The following JAKMIP2 variants were observed in gnomAD, a reference collection of about 807,000 sequenced individuals.
JAKMIP2 encodes the protein janus kinase and microtubule interacting protein 2, also known as janus kinase and microtubule-interacting protein 2.
A neutral mutation model predicts 115.0 loss-of-function variants in JAKMIP2; 25 were observed. The observed-to-expected ratio is 0.22, with a 90% confidence interval of 0.16 to 0.30. The LOEUF (loss-of-function observed/expected upper bound fraction) is 0.30. Ranked by LOEUF, JAKMIP2 falls within the 10% of genes least tolerant of loss-of-function variation. JAKMIP2 has a pLI of 1.00. For missense variants in JAKMIP2, 642 were observed against 957.6 expected (o/e 0.67, Z 4.35); for synonymous variants, 334 against 343.6 (o/e 0.97, Z 0.31).
At chr5:147,705,713 A>C (rs1752535057) in intron 1 of JAKMIP2, among the ~76,000 whole-genome samples, 1 of 152,240 alleles carries the variant, frequency 6.6e-6, no homozygotes, top group Non-Finnish European at 1.5e-5. Context: ...TCCACAGGAT[A>C]AAGTGTATGG....
At chr5:147,702,239 A>G (rs952849979) in intron 1 of JAKMIP2, among the ~76,000 whole-genome samples, 1 of 151,706 alleles carries the variant, frequency 6.6e-6, no homozygotes, top group Non-Finnish European at 1.5e-5. Flanking sequence ...AAAACAGAAG[A>G]AACAGCTAAG....
At chr5:147,659,584 G>T (rs1450574847) in intron 3 of JAKMIP2, among the ~76,000 whole-genome samples, 1 of 152,058 alleles carries the variant, frequency 6.6e-6, no homozygotes, top group Non-Finnish European at 1.5e-5. Flanking sequence ...AGATCAAGTG[G>T]ATATACTTAT....
rs1021937953 is a variant in JAKMIP2 at position 147,772,156 on chromosome 5, A to G, written c.-149+10300T>C. 5.9e-5 allele frequency among the ~76,000 whole-genome samples: 9 copies of G among 152,242 alleles called. No homozygotes were observed. In the East Asian group the frequency reaches 1.5e-3, roughly 26 times the overall value. ...TAACTTGAAAAATAAAGTATTAAAC[A>G]TATGTAAATTGTGAAAAAAACGCCT... On this transcript the variant is annotated intron_variant, in intron 1 of 21. Coordinates refer to ENST00000616793, the MANE Select transcript of JAKMIP2 (RefSeq NM_001270941.2).
In JAKMIP2 at chr5:147,732,053, T is replaced by C. The variant is rs138173477; in HGVS notation, c.-149+50403A>G. On this transcript the variant is annotated intron_variant, in intron 1 of 21. Transcript: ENST00000616793. The stretch of plus-strand genomic sequence containing the variant: ...CATGTTGTATTATTACGTGGGTTTT[T>C]AAAACTAAATATTGCCAAGTAGTTG... Among the ~76,000 whole-genome samples, 1,040 of 152,360 alleles carry C rather than the reference T, an allele frequency of 6.8e-3. 6 individuals are homozygous for C. The highest frequency in any genetic ancestry group is 0.011 in the Non-Finnish European group (732 of 68,032).
intron 1 of JAKMIP2, among the ~76,000 whole-genome samples, chr5:147,765,542 C>T (rs1351908163): frequency 2.0e-5 from 3 of 152,070 alleles, no homozygotes; most frequent in African/African-American, 7.2e-5. Context: ...ACCAAGAGAA[C>T]AAAGGAATCA....
chr5:147,717,730 C>T (rs1421714203), intron 1 of JAKMIP2, among the ~76,000 whole-genome samples: 1 of 149,422 alleles, frequency 6.7e-6, no homozygotes, highest in Non-Finnish European at 1.5e-5. Flanking sequence ...TGCTGATCAG[C>T]TTAAGGAGAT....
At chr5:147,754,230 G>A (rs182687235) in intron 1 of JAKMIP2, among the ~76,000 whole-genome samples, 1,690 of 152,186 alleles carry the variant, frequency 0.011, 26 homozygotes, top group Middle Eastern at 0.017. Flanking sequence ...GTAACAAGGA[G>A]AAACATTTAA....
intron 1 of JAKMIP2, among the ~76,000 whole-genome samples, chr5:147,744,081 C>G (rs1754264689): frequency 6.7e-6 from 1 of 149,054 alleles, no homozygotes; most frequent in African/African-American, 2.5e-5. Context: ...ATTTTTCTCT[C>G]TCTCTCATTA....
At chr5:147,663,281 G>C (rs1759127923) in intron 2 of JAKMIP2, among the ~76,000 whole-genome samples, 1 of 152,146 alleles carries the variant, frequency 6.6e-6, no homozygotes, top group Admixed American at 6.5e-5. Flanking sequence ...ATTAACATTT[G>C]AGTCAGTGGA....
At chr5:147,663,848 G>A (rs894525751) in intron 2 of JAKMIP2, among the ~76,000 whole-genome samples, 3 of 152,030 alleles carry the variant, frequency 2.0e-5, no homozygotes, top group African/African-American at 7.2e-5. Flanking sequence ...TTACACCTAC[G>A]GTCCCTTCCT....
chr5:147,683,931 T>C (rs187159477), intron 1 of JAKMIP2, among the ~76,000 whole-genome samples: 2 of 152,344 alleles, frequency 1.3e-5, no homozygotes. Flanking sequence ...ATACTTTACA[T>C]AAGAGAAACT....
intron 1 of JAKMIP2, among the ~76,000 whole-genome samples, chr5:147,738,586 A>G (rs1468549962): frequency 3.9e-5 from 6 of 152,216 alleles, no homozygotes; most frequent in Non-Finnish European, 7.3e-5. Flanking sequence ...GCAATTGCAG[A>G]TAATAAGACT....
At chr5:147,641,969 T>C (rs1757900968) in intron 7 of JAKMIP2, among the ~76,000 whole-genome samples, 1 of 152,190 alleles carries the variant, frequency 6.6e-6, no homozygotes. Flanking sequence ...ATGAGTTATG[T>C]GGATCAAGGA....
chr5:147,720,981 T>C (rs974983912), intron 1 of JAKMIP2, among the ~76,000 whole-genome samples: 1 of 151,562 alleles, frequency 6.6e-6, no homozygotes, highest in Non-Finnish European at 1.5e-5. Context: ...CTTGTGGTTT[T>C]ATCTACTTTT....
At chr5:147,637,175 T>C in intron 10 of JAKMIP2, 127 bp from the exon 11 acceptor site, 1 of 674,248 alleles carries the variant, frequency 1.5e-6, no homozygotes, top group Non-Finnish European at 2.6e-6. Flanking sequence ...AAAAGAATCT[T>C]TCTGATCTAA....
At chr5:147,677,117 G>A (rs1400680513) in intron 1 of JAKMIP2, among the ~76,000 whole-genome samples, 1 of 152,146 alleles carries the variant, frequency 6.6e-6, no homozygotes, top group Non-Finnish European at 1.5e-5. Context: ...TAATTCTCTA[G>A]GCCTCAATAT....
At chr5:147,685,834 AAT>A (rs1760542271) in intron 1 of JAKMIP2, among the ~76,000 whole-genome samples, 1 of 152,180 alleles carries the variant, frequency 6.6e-6, no homozygotes, top group Non-Finnish European at 1.5e-5. Flanking sequence ...CAGAGATCTT[AAT>A]TTAAAATAAT....
chr5:147,671,711 G>T lies in JAKMIP2; in HGVS notation c.96C>A (p.Asp32Glu). ...ANEDLRTKLT[D>E]IQIELHQEKS... ...TCTCTTGATGCAGCTCTATCTGAAT[G>T]TCTGTGAGCTTGGTCCTGAGGTCTT... The change falls in exon 2 of 22, where the codon GAC becomes GAA. Residue 32 changes from aspartate (D) to glutamate (E), a missense_variant. Asp to Glu is a conservative substitution (Grantham distance 45, BLOSUM62 2). Coordinates refer to ENST00000616793, the MANE Select transcript of JAKMIP2 (RefSeq NM_001270941.2). 1 of 1,572,702 alleles carries T rather than the reference G, an allele frequency of 6.4e-7. No individual in the cohort carries two copies. The highest frequency in any genetic ancestry group is 8.6e-7 in the Non-Finnish European group (1 of 1,158,072).
Position 147,721,125 on chromosome 5 carries a change from G to T in JAKMIP2, c.-148-49171C>A, listed in dbSNP as rs1250390829. 3.3e-5 allele frequency among the ~76,000 whole-genome samples: 5 copies of T among 151,982 alleles called. No individual in the cohort carries two copies. The South Asian group carries it at 1.0e-3, about 32-fold the overall frequency. On this transcript the variant is annotated intron_variant, in intron 1 of 21. Coordinates refer to ENST00000616793, the MANE Select transcript of JAKMIP2 (RefSeq NM_001270941.2). ...ACCCTGCCATGTGAGGTGTCAGTGT[G>T]CCCCTGCTGGGGGGTGCCTCCCAGT... is the stretch of plus-strand genomic sequence containing the variant.
Sources: allele counts gnomAD v4.1 joint callset (sites outside exome capture counted in the v4.1 genomes callset), GRCh38; gene constraint gnomAD v4.1.1; transcripts MANE v1.5; gene names NCBI Gene and HGNC (gene_info 2026-07-23, HGNC 2026-07-21).